Variants in LMBR1 observed in about 807,000 individuals in gnomAD.
The protein encoded by LMBR1 is limb development membrane protein 1, also known as limb region 1 protein homolog.
Under a neutral mutation model 73.9 loss-of-function variants are expected in LMBR1, and 52 were observed. That is an observed-to-expected ratio of 0.70 (90% CI 0.56 to 0.89). The LOEUF (loss-of-function observed/expected upper bound fraction) is 0.89, where lower values mean the gene tolerates loss of function less well. Ranked by LOEUF, LMBR1 falls within the 40% of genes least tolerant of loss-of-function variation. LMBR1 has a pLI of 0.00. For synonymous variants in LMBR1, 215 were observed against 209.4 expected (o/e 1.03, Z -0.23); for missense variants, 539 against 579.8 (o/e 0.93, Z 0.72).
intron 8 of LMBR1, among the ~76,000 whole-genome samples, chr7:156,760,147 G>C (rs886085052): frequency 5.3e-5 from 8 of 152,154 alleles, no homozygotes; most frequent in African/African-American, 1.9e-4. Context: ...CCAGAGGCAA[G>C]GGGGAGAAGA....
chr7:156,774,027 A>G (rs890924290), intron 5 of LMBR1, among the ~76,000 whole-genome samples: 1 of 152,230 alleles, frequency 6.6e-6, no homozygotes, highest in African/African-American at 2.4e-5. Flanking sequence ...TAAGCAAAAA[A>G]AAAACCACAC....
intron 1 of LMBR1, among the ~76,000 whole-genome samples, chr7:156,852,562 G>A (rs1259297272): frequency 2.0e-5 from 3 of 152,120 alleles, no homozygotes; most frequent in Non-Finnish European, 4.4e-5. Context: ...TTCTCACTTG[G>A]AGTTTTACGT....
chr7:156,807,474 T>G (rs182544338), intron 4 of LMBR1, among the ~76,000 whole-genome samples: 1 of 152,224 alleles, frequency 6.6e-6, no homozygotes, highest in Non-Finnish European at 1.5e-5. Flanking sequence ...TGGATAAAGG[T>G]GTTCATAATA....
At chr7:156,859,235 T>G (rs1797395596) in intron 1 of LMBR1, among the ~76,000 whole-genome samples, 1 of 110,346 alleles carries the variant, frequency 9.1e-6, no homozygotes, top group Admixed American at 1.0e-4. Flanking sequence ...GCAACAAAAG[T>G]GAAACTCCGT....
rs1815236997 is a variant in LMBR1 at position 156,724,238 on chromosome 7, C to T, written c.1159-60G>A. ...TAAACAGCAGGATGACAATCAAACC[C>T]AGTAACATTCTGAGAAATGATTGTG... On this transcript the variant is annotated intron_variant, in intron 14 of 16. Coordinates refer to ENST00000353442, the MANE Select transcript of LMBR1 (RefSeq NM_022458.4). 11 of 1,263,032 alleles carry T rather than the reference C, an allele frequency of 8.7e-6. No homozygotes were observed. The South Asian group carries it at 1.4e-4, about 16-fold the overall frequency. The allele number at this position is 1,263,032 out of a possible 1,614,324, so 78.2% of individuals were successfully genotyped here.
At chr7:156,767,154 G>A (rs1263448957) in intron 5 of LMBR1, among the ~76,000 whole-genome samples, 1 of 152,036 alleles carries the variant, frequency 6.6e-6, no homozygotes, top group African/African-American at 2.4e-5. Flanking sequence ...TGTCCTTCAG[G>A]GGTGTAAAAG....
At chr7:156,831,289 T>TG (rs1287692444) in intron 3 of LMBR1, among the ~76,000 whole-genome samples, 1 of 151,364 alleles carries the variant, frequency 6.6e-6, no homozygotes, top group Non-Finnish European at 1.5e-5. Flanking sequence ...TTTTTTTTTT[T>TG]TTTTGGCAAA....
At chr7:156,891,116 C>T (rs1802823405) in intron 1 of LMBR1, among the ~76,000 whole-genome samples, 1 of 145,452 alleles carries the variant, frequency 6.9e-6, no homozygotes, top group East Asian at 2.0e-4. Context: ...ACTTGAATCC[C>T]GGAGGCAGAG....
chr7:156,774,939 T>TC (rs937815388), intron 5 of LMBR1, among the ~76,000 whole-genome samples: 6 of 152,156 alleles, frequency 3.9e-5, no homozygotes, highest in Admixed American at 2.0e-4. Context: ...GTGCATGTTC[T>TC]CCCCTGTAAG....
intron 15 of LMBR1, among the ~76,000 whole-genome samples, chr7:156,688,822 A>G (rs891681385): frequency 6.6e-6 from 1 of 151,982 alleles, no homozygotes; most frequent in South Asian, 2.1e-4. Context: ...TCCCCACTAG[A>G]ATGTAGGTTC....
chr7:156,794,861 C>T (rs986990683), intron 5 of LMBR1, among the ~76,000 whole-genome samples: 3 of 152,064 alleles, frequency 2.0e-5, no homozygotes, highest in Non-Finnish European at 2.9e-5. Flanking sequence ...GGCATGTACT[C>T]CTTTGTACTC....
chr7:156,836,865 G>C lies in LMBR1; in HGVS notation c.87C>G (p.Ala29=). Residue 29 remains alanine (A), a synonymous_variant, in exon 2 of 17, where the codon GCC becomes GCG. Coordinates refer to ENST00000353442, the MANE Select transcript of LMBR1 (RefSeq NM_022458.4). ...RESTICFLLF[A]ILYVVSYFII... ...TGAAGTAGGAAACAACGTAGAGAAT[G>C]GCAAAAAGAAGGAAACATATCTGAA... 1 of 1,576,180 alleles carries C rather than the reference G, an allele frequency of 6.3e-7. No individual in the cohort carries two copies. Among genetic ancestry groups the C allele is most frequent in the Non-Finnish European group, 8.6e-7 (1 of 1,157,438 alleles).
chr7:156,673,072 G>C (rs1389694022), downstream of LMBR1, among the ~76,000 whole-genome samples: 1 of 152,184 alleles, frequency 6.6e-6, no homozygotes, highest in Non-Finnish European at 1.5e-5. Context: ...GCCCCACCTT[G>C]AGAATAAACA....
At chr7:156,871,385 T>A (rs891262943) in intron 1 of LMBR1, among the ~76,000 whole-genome samples, 1 of 152,216 alleles carries the variant, frequency 6.6e-6, no homozygotes, top group African/African-American at 2.4e-5. Flanking sequence ...TTAGCACCAA[T>A]CTGTCTCAAA....
At chr7:156,877,595 G>A (rs540065280) in intron 1 of LMBR1, among the ~76,000 whole-genome samples, 6 of 152,200 alleles carry the variant, frequency 3.9e-5, no homozygotes, top group East Asian at 1.9e-4. Context: ...TTTAACATAC[G>A]CAAGTCGGCC....
chr7:156,800,075 A>T (rs1830681254), intron 4 of LMBR1, among the ~76,000 whole-genome samples: 1 of 152,250 alleles, frequency 6.6e-6, no homozygotes, highest in Non-Finnish European at 1.5e-5. Flanking sequence ...AAGGTGAAGC[A>T]GCAAGTGCTG....
At chr7:156,709,214 ACT>A (rs1173218877) in intron 15 of LMBR1, among the ~76,000 whole-genome samples, 2 of 152,118 alleles carry the variant, frequency 1.3e-5, no homozygotes, top group African/African-American at 4.8e-5. Context: ...GGCAGCTGGA[ACT>A]CTCTTGAAAG....
chr7:156,777,483 T>C (rs182724572), intron 5 of LMBR1, among the ~76,000 whole-genome samples: 2 of 152,342 alleles, frequency 1.3e-5, no homozygotes, highest in African/African-American at 4.8e-5. Context: ...TCTTCTCACA[T>C]GTCATATCAG....
At chr7:156,787,316 TTTG>T (rs1228972867) in intron 5 of LMBR1, among the ~76,000 whole-genome samples, 2 of 152,214 alleles carry the variant, frequency 1.3e-5, no homozygotes, top group Non-Finnish European at 2.9e-5. Context: ...GTTGTTCCTG[TTTG>T]TTGTTCTTCA....
Sources: gnomAD v4.1 joint callset for allele counts (sites outside exome capture counted in the v4.1 genomes callset) on GRCh38, gnomAD v4.1.1 for gene constraint, MANE v1.5 for transcripts, NCBI Gene and HGNC (gene_info 2026-07-23, HGNC 2026-07-21) for gene names.